The following FRMD6 variants were observed in gnomAD, a reference collection of about 807,000 sequenced individuals.
The protein encoded by FRMD6 is FERM domain containing 6.
In FRMD6, 37 loss-of-function variants were observed where a neutral mutation model predicts 73.2. The ratio of observed to expected loss-of-function variants is 0.51; its 90% CI spans 0.39 to 0.66. FRMD6 has a LOEUF of 0.66. Among genes scored for constraint, FRMD6 ranks in the 30% least tolerant of loss-of-function variants. FRMD6 has a pLI of 0.00. For missense variants in FRMD6, 714 were observed against 780.5 expected, an observed-to-expected ratio of 0.91 and a Z score of 1.02; for synonymous variants, 273 against 282.2, an observed-to-expected ratio of 0.97 and a Z score of 0.33.
chr14:51,477,737 C>CTTTTTT, the FRMD6 span, among the ~76,000 whole-genome samples: 83 of 134,186 alleles, frequency 6.2e-4, no homozygotes, highest in Non-Finnish European at 9.6e-4. Context: ...TTTTCTTTTT[C>CTTTTTT]TTTTTTTTTT....
the FRMD6 span, among the ~76,000 whole-genome samples, chr14:51,431,975 C>T: frequency 7.2e-5 from 11 of 152,176 alleles, no homozygotes. Context: ...TGCATTACTT[C>T]CCTTCCAGCC....
At chr14:51,466,907 G>A in the FRMD6 span, among the ~76,000 whole-genome samples, 3 of 151,546 alleles carry the variant, frequency 2.0e-5, no homozygotes, top group African/African-American at 4.9e-5. Context: ...TTTAATTTTT[G>A]TCAGCCATGA....
chr14:51,483,999 AGT>A, the FRMD6 span, among the ~76,000 whole-genome samples: 1 of 152,352 alleles, frequency 6.6e-6, no homozygotes, highest in Non-Finnish European at 1.5e-5. Context: ...CTTTATGAAG[AGT>A]GTGTGCTATT....
chr14:51,690,680 C>G (rs1040485810), intron 2 of FRMD6, among the ~76,000 whole-genome samples: 2 of 152,168 alleles, frequency 1.3e-5, no homozygotes, highest in Non-Finnish European at 2.9e-5. Context: ...CCGCGCCCAG[C>G]CTTAGATAGC....
intron 12 of FRMD6, among the ~76,000 whole-genome samples, chr14:51,722,940 G>A (rs898884198): frequency 3.9e-5 from 6 of 152,214 alleles, no homozygotes; most frequent in African/African-American, 1.4e-4. Context: ...AAATCAGAGA[G>A]GAACCAGACC....
At chr14:51,577,011 C>G (rs1888442722) in intron 2 of FRMD6, among the ~76,000 whole-genome samples, 1 of 152,202 alleles carries the variant, frequency 6.6e-6, no homozygotes, top group Non-Finnish European at 1.5e-5. Context: ...AAATATGGAT[C>G]ATGGCTTATG....
the FRMD6 span, among the ~76,000 whole-genome samples, chr14:51,398,900 C>T: frequency 8.5e-5 from 13 of 152,140 alleles, no homozygotes; most frequent in South Asian, 2.7e-3. Context: ...CAAAACATGT[C>T]AGCAGATTGC....
chr14:51,433,575 C>T, the FRMD6 span, among the ~76,000 whole-genome samples: 140,146 of 152,294 alleles, frequency 0.92, 64,748 homozygotes, highest in African/African-American at 0.97. Context: ...ACTAACGGAA[C>T]GTGTTGTAAA....
Position 51,722,001 on chromosome 14 carries a change from G to A in FRMD6, c.1413G>A (p.Glu471=), listed in dbSNP as rs1451208613. 2 of 1,614,130 alleles carry A rather than the reference G, an allele frequency of 1.2e-6. No homozygotes were observed. The highest frequency in any genetic ancestry group is 2.2e-5 in the South Asian group (2 of 91,078). The part of the protein sequence containing the change: ...DPRDLEQMNE[E]SLEVSPDMCI... ...GGGATCTGGAGCAGATGAATGAAGA[G>A]TCTCTGGAAGTCAGCCCAGACATGT... Residue 471 remains glutamate, a synonymous_variant, in exon 12 of 14, where the codon GAG becomes GAA. Transcript: ENST00000344768.
At chr14:51,687,169 A>G (rs547142979) in intron 1 of FRMD6, among the ~76,000 whole-genome samples, 2 of 152,198 alleles carry the variant, frequency 1.3e-5, no homozygotes, top group African/African-American at 2.4e-5. Flanking sequence ...AGCTCTGGAA[A>G]CATCCCACAG....
chr14:51,398,536 A>G, the FRMD6 span, among the ~76,000 whole-genome samples: 7 of 152,310 alleles, frequency 4.6e-5, no homozygotes, highest in East Asian at 1.3e-3. Flanking sequence ...TAAATAGCCA[A>G]TATTTATAAG....
At chr14:51,440,176 G>A in the FRMD6 span, among the ~76,000 whole-genome samples, 1 of 152,226 alleles carries the variant, frequency 6.6e-6, no homozygotes, top group African/African-American at 2.4e-5. Context: ...GGCCACCACT[G>A]TGGTAAAGCA....
intron 11 of FRMD6, among the ~76,000 whole-genome samples, chr14:51,721,256 T>C (rs1432129206): frequency 3.3e-5 from 5 of 152,140 alleles, no homozygotes; most frequent in Admixed American, 3.3e-4. Context: ...TCTTAAAAAA[T>C]ACAGAATAAT....
upstream of FRMD6, chr14:51,650,019 C>G (rs1892263214): frequency 2.0e-5 from 3 of 152,238 alleles, no homozygotes; most frequent in African/African-American, 7.2e-5. Flanking sequence ...GTCACCTCGG[C>G]CTCCCAAAGT....
At position 51,730,026 on chromosome 14, in the gene FRMD6, A is replaced by G. The variant is rs1404416581; in HGVS notation, c.*1997A>G. ...GTCATTAAGTAATCCACCATTTCTT[A>G]TGGATGATGCTTAAGCCTGGTGAGG... On this transcript the variant is annotated 3_prime_UTR_variant, in exon 14 of 14. Coordinates refer to ENST00000344768, the MANE Select transcript of FRMD6 (RefSeq NM_001267046.2). 6.6e-6 allele frequency: 1 copy of G among 152,472 alleles called. No individual in the cohort carries two copies. The highest frequency in any genetic ancestry group is 1.9e-4 in the East Asian group (1 of 5,200). The allele number at this position is 152,472 out of a possible 1,614,324, so 9.4% of individuals were successfully genotyped here.
the FRMD6 span, among the ~76,000 whole-genome samples, chr14:51,461,233 G>T: frequency 1.2e-4 from 19 of 152,202 alleles, no homozygotes; most frequent in African/African-American, 4.1e-4. Context: ...ACAGTTGTCT[G>T]CAGTTTAATT....
intron 2 of FRMD6, among the ~76,000 whole-genome samples, chr14:51,599,157 T>C (rs954314551): frequency 2.6e-5 from 4 of 151,162 alleles, no homozygotes; most frequent in African/African-American, 7.3e-5. Flanking sequence ...CTGATTATTA[T>C]GATGTTGAGC....
intron 1 of FRMD6, among the ~76,000 whole-genome samples, chr14:51,508,761 A>G (rs1370531605): frequency 6.6e-6 from 1 of 152,194 alleles, no homozygotes; most frequent in African/African-American, 2.4e-5. Flanking sequence ...CTATAATTAC[A>G]GTCTCTTGCC....
At chr14:51,396,471 T>C in the FRMD6 span, among the ~76,000 whole-genome samples, 23 of 152,210 alleles carry the variant, frequency 1.5e-4, no homozygotes, top group African/African-American at 5.5e-4. Context: ...AGAGGTCTTG[T>C]ACTGTTTATC....
Sources: allele counts gnomAD v4.1 joint callset (sites outside exome capture counted in the v4.1 genomes callset), GRCh38; gene constraint gnomAD v4.1.1; transcripts MANE v1.5; gene names NCBI Gene and HGNC (gene_info 2026-07-23, HGNC 2026-07-21).